The following MAST2 variants were observed in gnomAD, a reference collection of about 807,000 sequenced individuals.
MAST2 encodes microtubule associated serine/threonine kinase 2, also known as microtubule-associated serine/threonine-protein kinase 2.
MAST2 carries 70 observed loss-of-function variants against 147.4 expected under a neutral mutation model. The ratio of observed to expected loss-of-function variants is 0.47; its 90% CI spans 0.39 to 0.58. The LOEUF (loss-of-function observed/expected upper bound fraction) is 0.58. Ranked by LOEUF, MAST2 falls within the 20% of genes least tolerant of loss-of-function variation. MAST2 has a pLI of 0.00. For missense variants in MAST2, 2,080 were observed against 2,302.3 expected (o/e 0.90, Z 1.98); for synonymous variants, 869 against 896.8 (o/e 0.97, Z 0.55).
chr1:45,892,143 TGTTGGACA>T (rs1647903277), intron 4 of MAST2, among the ~76,000 whole-genome samples: 2 of 152,246 alleles, frequency 1.3e-5, no homozygotes, highest in African/African-American at 4.8e-5. Flanking sequence ...GCAAGCTCTT[TGTTGGACA>T]ACCATTTTTT....
chr1:46,006,329 C>T lies in MAST2; in HGVS notation c.836C>T (p.Thr279Ile), dbSNP rs1159768962. The change falls in exon 8 of 29, where the codon ACA (threonine) becomes ATA (isoleucine). Residue 279 changes from threonine to isoleucine, a missense_variant. By Grantham distance (89) the Thr-to-Ile change is moderately conservative. Coordinates refer to ENST00000361297, the MANE Select transcript of MAST2 (RefSeq NM_015112.3). ...ELHFLTKHFS[T>I]ESVPDEEGRQ... ...CACTTTTTGACGAAGCATTTCAGCA[C>T]AGAGAGCGTACCAGATGAGGAAGGA... The T allele has an allele frequency of 3.1e-6, 5 of 1,614,086 alleles. No homozygotes were observed. In the South Asian group the frequency reaches 4.4e-5, roughly 14 times the overall value.
At chr1:45,880,589 AAC>A (rs1303340238) in intron 3 of MAST2, among the ~76,000 whole-genome samples, 2 of 152,222 alleles carry the variant, frequency 1.3e-5, no homozygotes, top group Non-Finnish European at 2.9e-5. Flanking sequence ...TACCTAGAAA[AAC>A]ACACAAAAGA....
rs1646883415 is a variant in MAST2 at position 46,035,840 on chromosome 1, G to C, written c.5171G>C (p.Gly1724Ala). 7 of 1,614,088 alleles carry C rather than the reference G, an allele frequency of 4.3e-6. No individual in the cohort carries two copies. The highest frequency in any genetic ancestry group is 5.9e-6 in the Non-Finnish European group (7 of 1,180,034). ...AHPSYEDPSQGWLWESECAQA... is the reference protein window; with the variant it reads ...AHPSYEDPSQAWLWESECAQA... ...CCATCTTATGAGGATCCCAGCCAGG[G>C]CTGGCTATGGGAGTCTGAGTGTGCA... is the stretch of plus-strand genomic sequence containing the variant. The change falls in exon 29 of 29, where the codon GGC becomes GCC. Residue 1724 changes from glycine to alanine, a missense_variant. Physicochemically the swap from Gly to Ala is moderately conservative, Grantham distance 60 (BLOSUM62 0). Around this residue, in one of 4 missense-constraint regions of MAST2, gnomAD observed 1,278 missense variants for 1,304.2 expected, o/e 0.98. Transcript: ENST00000361297. This position sits in a 1 kb window ranked among gnomAD's most constrained non-coding sequence, Gnocchi z 5.5.
At chr1:45,928,509 C>T (rs1267690326) in intron 4 of MAST2, among the ~76,000 whole-genome samples, 1 of 151,388 alleles carries the variant, frequency 6.6e-6, no homozygotes, top group Non-Finnish European at 1.5e-5. Flanking sequence ...GTTAATATTA[C>T]TGGGACAACA....
intron 5 of MAST2, among the ~76,000 whole-genome samples, chr1:45,987,761 T>G (rs1405715402): frequency 9.2e-6 from 1 of 108,438 alleles, no homozygotes; most frequent in Non-Finnish European, 1.9e-5. Flanking sequence ...GAGCATTTCT[T>G]GTTTTTTTTT....
At chr1:46,005,009 G>A (rs1368267046) in intron 7 of MAST2, among the ~76,000 whole-genome samples, 2 of 152,180 alleles carry the variant, frequency 1.3e-5, no homozygotes, top group African/African-American at 4.8e-5. Context: ...TGAGGCAGCA[G>A]TGAGCTATGA....
At chr1:45,953,914 G>A (rs1206581503) in intron 4 of MAST2, among the ~76,000 whole-genome samples, 1 of 152,094 alleles carries the variant, frequency 6.6e-6, no homozygotes, top group African/African-American at 2.4e-5. Flanking sequence ...CCTTTATTGG[G>A]GAGGGAATAT....
chr1:45,928,563 CTTTCTTTTTTTTTTTTTCT>C (rs1654767658), intron 4 of MAST2, among the ~76,000 whole-genome samples: 1 of 120,838 alleles, frequency 8.3e-6, no homozygotes. Context: ...TCTGATCACT[CTTTCTTTTTTTTTTTTTCT>C]TTTCTTTTTT....
intron 3 of MAST2, among the ~76,000 whole-genome samples, chr1:45,866,059 A>G (rs1371342032): frequency 6.6e-6 from 1 of 152,228 alleles, no homozygotes; most frequent in Non-Finnish European, 1.5e-5. Flanking sequence ...TAAAATTATC[A>G]TGAATTAACA....
chr1:45,969,996 G>A (rs1194237991), intron 5 of MAST2, among the ~76,000 whole-genome samples: 1 of 152,170 alleles, frequency 6.6e-6, no homozygotes, highest in Non-Finnish European at 1.5e-5. Flanking sequence ...GGACAGGATG[G>A]TTCTTGGCTG....
chr1:45,937,014 C>G (rs1296025142), intron 4 of MAST2, among the ~76,000 whole-genome samples: 1 of 148,144 alleles, frequency 6.8e-6, no homozygotes, highest in Non-Finnish European at 1.5e-5. Flanking sequence ...GTAGCTGGAT[C>G]TAAAGGCATT....
In MAST2 at chr1:45,829,570, AC is replaced by A; in HGVS notation, c.458del (p.Thr153MetfsTer4). 1 of 1,613,134 alleles carries A rather than the reference AC, an allele frequency of 6.2e-7. No homozygotes were observed. The highest frequency in any genetic ancestry group is 1.1e-5 in the South Asian group (1 of 90,784). Reference protein sequence around the residue: ...QSLGQSAPSLTAGLKELSLPR... With the variant: ...QSLGQSAPSLXAGLKELSLPR... ...CCTTGGACAGTCTGCACCTTCTCTTACTGCTGGCCTGGTAAGTGTTCATAAA... is the reference window on the plus strand; with the variant it reads ...CCTTGGACAGTCTGCACCTTCTCTTATGCTGGCCTGGTAAGTGTTCATAAA... On this transcript the variant is annotated frameshift_variant, in exon 3 of 29. Coordinates refer to ENST00000361297, the MANE Select transcript of MAST2 (RefSeq NM_015112.3). LOFTEE classifies it high-confidence loss of function.
intron 3 of MAST2, among the ~76,000 whole-genome samples, chr1:45,858,743 T>A (rs1211835526): frequency 2.6e-5 from 4 of 150,958 alleles, no homozygotes; most frequent in African/African-American, 9.8e-5. Context: ...TTTTATGGTT[T>A]TAGGTCTAAC....
chr1:45,857,384 A>G (rs1645823642), intron 3 of MAST2, among the ~76,000 whole-genome samples: 1 of 152,216 alleles, frequency 6.6e-6, no homozygotes, highest in Non-Finnish European at 1.5e-5. Flanking sequence ...CCTGAGGAGC[A>G]TATTTGTCCT....
At chr1:45,880,826 C>CA (rs1256153476) in intron 3 of MAST2, among the ~76,000 whole-genome samples, 1 of 151,336 alleles carries the variant, frequency 6.6e-6, no homozygotes, top group Non-Finnish European at 1.5e-5. Context: ...ACTAAAAATA[C>CA]AAAAAAATTA....
intron 3 of MAST2, 69 bp downstream of exon 3, chr1:45,829,650 CTATTCT>C (rs1644892431): frequency 1.4e-6 from 2 of 1,447,158 alleles, no homozygotes; most frequent in East Asian, 4.7e-5. Context: ...ATTGCAACAT[CTATTCT>C]TTTTCCTTTT....
At chr1:45,968,791 T>C (rs1233810666) in intron 5 of MAST2, among the ~76,000 whole-genome samples, 1 of 152,036 alleles carries the variant, frequency 6.6e-6, no homozygotes, top group Non-Finnish European at 1.5e-5. Flanking sequence ...ATTCCCTTCC[T>C]TTCTCTCTTT....
At chr1:45,963,083 G>A (rs1006512205) in intron 5 of MAST2, among the ~76,000 whole-genome samples, 1 of 152,100 alleles carries the variant, frequency 6.6e-6, no homozygotes, top group Non-Finnish European at 1.5e-5. Context: ...TAGATGTGTG[G>A]TATTATTTCT....
intron 1 of MAST2, among the ~76,000 whole-genome samples, chr1:45,812,458 C>T (rs1644332813): frequency 1.4e-5 from 2 of 145,390 alleles, no homozygotes; most frequent in South Asian, 2.2e-4. Flanking sequence ...GACGGAGTCT[C>T]GCACTGTTGC....
Sources: gnomAD v4.1 joint callset for allele counts (sites outside exome capture counted in the v4.1 genomes callset) on GRCh38, gnomAD v4.1.1 for gene constraint, gnomAD v4.1.1 regional missense constraint, Gnocchi (gnomAD v3.1) non-coding constraint, MANE v1.5 for transcripts, NCBI Gene and HGNC (gene_info 2026-07-23, HGNC 2026-07-21) for gene names.